PIK3R6: variants seen among roughly 807,000 people sequenced by gnomAD.
PIK3R6 encodes the protein phosphoinositide-3-kinase regulatory subunit 6.
A neutral mutation model predicts 84.9 loss-of-function variants in PIK3R6; 91 were observed. That is an observed-to-expected ratio of 1.07 (90% CI 0.90 to 1.28). The LOEUF is 1.28. Among genes scored for constraint, PIK3R6 ranks in the 50% most tolerant of loss-of-function variants. PIK3R6 has a pLI of 0.00. For missense variants in PIK3R6, 996 were observed against 985.1 expected (o/e 1.01, Z -0.15); for synonymous variants, 416 against 411.4 (o/e 1.01, Z -0.13).
At chr17:8,858,697 C>T (rs891560748) in intron 1 of PIK3R6, among the ~76,000 whole-genome samples, 5 of 152,032 alleles carry the variant, frequency 3.3e-5, no homozygotes, top group African/African-American at 9.7e-5. Context: ...TATCAGTAGG[C>T]GAGGGTAGCC....
chr17:8,804,968 C>T (rs1371011628), intron 18 of PIK3R6, among the ~76,000 whole-genome samples: 1 of 152,170 alleles, frequency 6.6e-6, no homozygotes, highest in African/African-American at 2.4e-5. Context: ...TAAAAAGCTC[C>T]TGAGTGTAGG....
chr17:8,840,957 T>C (rs2088659508), intron 2 of PIK3R6, among the ~76,000 whole-genome samples: 1 of 151,768 alleles, frequency 6.6e-6, no homozygotes, highest in Admixed American at 6.6e-5. Context: ...TTTCACCGTG[T>C]TAGCTAGGAT....
At chr17:8,827,087 C>T in intron 13 of PIK3R6, 85 bp downstream of exon 13, 1 of 1,480,526 alleles carries the variant, frequency 6.8e-7, no homozygotes, top group Non-Finnish European at 9.1e-7. Context: ...ACCCTCGCTG[C>T]CTACTTGGGC....
intron 1 of PIK3R6, among the ~76,000 whole-genome samples, chr17:8,864,529 CTTTTTTTT>C (rs35714531): frequency 6.1e-5 from 4 of 65,542 alleles, no homozygotes; most frequent in African/African-American, 1.4e-4. Flanking sequence ...CTTCACAGCT[CTTTTTTTT>C]TTTTTTTTTT....
At chr17:8,855,732 T>C (rs926144791) in intron 1 of PIK3R6, among the ~76,000 whole-genome samples, 1 of 152,242 alleles carries the variant, frequency 6.6e-6, no homozygotes, top group Non-Finnish European at 1.5e-5. Flanking sequence ...CATACGTTAC[T>C]GGTGAGAATG....
chr17:8,829,284 C>T (rs544788451), intron 10 of PIK3R6, among the ~76,000 whole-genome samples: 15 of 131,688 alleles, frequency 1.1e-4, no homozygotes, highest in African/African-American at 4.5e-4. Flanking sequence ...GACACACACA[C>T]GCATCATGCA....
In PIK3R6 at chr17:8,820,252, A is replaced by G. The variant is rs557303344; in HGVS notation, c.1880-1054T>C. On this transcript the variant is annotated intron_variant, in intron 17 of 19. Coordinates refer to ENST00000619866, the MANE Select transcript of PIK3R6 (RefSeq NM_001010855.4). ...GGGTTTGTAGAAGTCTGCTCTACCGAGGGTGCTGGCATCATCAGACTGGTT... is the reference window on the plus strand; with the variant it reads ...GGGTTTGTAGAAGTCTGCTCTACCGGGGGTGCTGGCATCATCAGACTGGTT... 4.0e-5 allele frequency among the ~76,000 whole-genome samples: 6 copies of G among 151,784 alleles called. No individual in the cohort carries two copies. The East Asian group carries it at 1.2e-3, about 29-fold the overall frequency.
intron 4 of PIK3R6, 110 bp from the exon 5 acceptor site, chr17:8,837,981 G>C (rs1027772324): frequency 4.5e-6 from 4 of 895,292 alleles, no homozygotes; most frequent in South Asian, 1.4e-5. Context: ...AAGGCAGCCA[G>C]GGGGAGAGCA....
At chr17:8,827,766 GAGAGAGAGAGAGAGAGA>G (rs2087987895) in intron 12 of PIK3R6, among the ~76,000 whole-genome samples, 1 of 56,398 alleles carries the variant, frequency 1.8e-5, no homozygotes, top group African/African-American at 9.5e-5. Context: ...AGAGAGAGGA[GAGAGAGAGAGAGAGAGA>G]GAGAGAGAGA....
chr17:8,826,848 C>G (rs1321270168), intron 13 of PIK3R6, among the ~76,000 whole-genome samples: 2 of 152,064 alleles, frequency 1.3e-5, no homozygotes, highest in African/African-American at 4.8e-5. Flanking sequence ...GAAGCTCACA[C>G]AAGAAGGAGT....
At chr17:8,852,038 A>G (rs1314364714) in intron 1 of PIK3R6, among the ~76,000 whole-genome samples, 2 of 152,252 alleles carry the variant, frequency 1.3e-5, no homozygotes, top group African/African-American at 2.4e-5. Flanking sequence ...CAAATATTGT[A>G]TAATTCCACT....
chr17:8,833,907 G>A (rs1236656387), intron 8 of PIK3R6, among the ~76,000 whole-genome samples: 1 of 151,750 alleles, frequency 6.6e-6, no homozygotes, highest in African/African-American at 2.4e-5. Context: ...GGTGGCTCAC[G>A]CTTGTAATCT....
rs116378204 is a variant in PIK3R6, at chr17:8,829,966, G to C, written c.803-174C>G. On this transcript the variant is annotated intron_variant, in intron 9 of 19. Coordinates refer to ENST00000619866, the MANE Select transcript of PIK3R6 (RefSeq NM_001010855.4). ...CCACCAGCCCATCCAGGGCCCAACA[G>C]TGCAGCTGTCCCCTCCCTGTCCAAC... Among the ~76,000 whole-genome samples the C allele has an allele frequency of 3.1e-3, 473 of 152,326 alleles. 2 individuals carry two copies. Among genetic ancestry groups the C allele is most frequent in the African/African-American group, 0.011 (447 of 41,562 alleles).
At chr17:8,821,957 A>T (rs1267752715) in intron 16 of PIK3R6, 21 bp from the exon 17 acceptor site, 49 of 1,548,258 alleles carry the variant, frequency 3.2e-5, no homozygotes, top group Non-Finnish European at 4.2e-5. Flanking sequence ...GGATCGAGGA[A>T]CAGGTGGAGG....
Position 8,835,447 on chromosome 17 carries a change from G to A in PIK3R6, c.471C>T (p.Leu157=). The A allele has an allele frequency of 6.4e-7, 1 of 1,566,442 alleles. No individual in the cohort carries two copies. The highest frequency in any genetic ancestry group is 8.7e-7 in the Non-Finnish European group (1 of 1,147,026). The change falls in exon 8 of 20, where the codon CTC becomes CTT. Residue 157 remains leucine, a synonymous_variant. Transcript: ENST00000619866. ...CAGACACCAGCTCAGGATCCACGAA[G>A]AGGAACACTCTGAGGGCAGAAGCAG... The part of the protein sequence containing the change: ...ELYPYQERVF[L]FVDPELVSAS...
chr17:8,842,775 A>T lies in PIK3R6; in HGVS notation c.14-3078T>A, dbSNP rs370654682. Among the ~76,000 whole-genome samples the T allele has an allele frequency of 2.3e-3, 348 of 152,312 alleles. 8 individuals are homozygous for T. In the South Asian group the frequency reaches 0.043, roughly 19 times the overall value. ...CTCAAAAATTAGCTCATCTCATGTGACAGGGATCTCTCTTCTTGGCTCCTT... is the reference window on the plus strand; with the variant it reads ...CTCAAAAATTAGCTCATCTCATGTGTCAGGGATCTCTCTTCTTGGCTCCTT... On this transcript the variant is annotated intron_variant, in intron 2 of 19. Transcript: ENST00000619866. This position sits in a 1 kb window ranked among gnomAD's most constrained non-coding sequence, Gnocchi z 4.5.
At chr17:8,831,327 CT>C (rs2088231672) in intron 9 of PIK3R6, among the ~76,000 whole-genome samples, 1 of 28,834 alleles carries the variant, frequency 3.5e-5, no homozygotes, top group Non-Finnish European at 5.3e-5. Flanking sequence ...AAGACCCTGT[CT>C]AAAAAAAAAA....
chr17:8,839,739 C>T lies in PIK3R6; in HGVS notation c.14-42G>A, dbSNP rs773791750. 4.7e-6 allele frequency: 7 copies of T among 1,481,254 alleles called. No individual in the cohort carries two copies. The highest frequency in any genetic ancestry group is 1.2e-5 in the South Asian group (1 of 81,332). 91.8% of individuals were successfully genotyped at this position (1,481,254 alleles called of 1,614,324 possible). ...GTGGGAGGAAACTCAGTCCACTGAA[C>T]CTCACCCTCGTCCCACCTCCATTCC... On this transcript the variant is annotated intron_variant, in intron 2 of 19. Coordinates refer to ENST00000619866, the MANE Select transcript of PIK3R6 (RefSeq NM_001010855.4). This position sits in a 1 kb window ranked among gnomAD's most constrained non-coding sequence, Gnocchi z 4.2.
intron 13 of PIK3R6, among the ~76,000 whole-genome samples, chr17:8,824,907 A>G (rs2087868649): frequency 6.6e-6 from 1 of 152,238 alleles, no homozygotes; most frequent in Non-Finnish European, 1.5e-5. Context: ...CAAATGATAA[A>G]GCAAAATGGA....
Sources: gnomAD v4.1 joint callset for allele counts (sites outside exome capture counted in the v4.1 genomes callset) on GRCh38, gnomAD v4.1.1 for gene constraint, Gnocchi (gnomAD v3.1) non-coding constraint, MANE v1.5 for transcripts, NCBI Gene and HGNC (gene_info 2026-07-23, HGNC 2026-07-21) for gene names.